The following EIF2B3 variants were observed in gnomAD, a reference collection of about 807,000 sequenced individuals.
EIF2B3 encodes eukaryotic translation initiation factor 2B subunit gamma.
EIF2B3 carries 20 observed loss-of-function variants against 54.1 expected under a neutral mutation model. The observed-to-expected ratio is 0.37, with a 90% confidence interval of 0.26 to 0.54. The LOEUF is 0.54. Ranked by LOEUF, EIF2B3 falls within the 20% of genes least tolerant of loss-of-function variation. The probability of loss-of-function intolerance (pLI) is 0.86; values close to 1 mark genes in which losing one functional copy is unlikely to be tolerated. For synonymous variants in EIF2B3, 153 were observed against 188.1 expected, an observed-to-expected ratio of 0.81 and a Z score of 1.52; for missense variants, 448 against 547.8, an observed-to-expected ratio of 0.82 and a Z score of 1.82.
intron 10 of EIF2B3, among the ~76,000 whole-genome samples, chr1:44,863,447 C>T (rs569468690): frequency 6.6e-6 from 1 of 152,256 alleles, no homozygotes; most frequent in South Asian, 2.1e-4. Flanking sequence ...GTTGCCCAGG[C>T]TGGTCTCAAA....
In EIF2B3 at chr1:44,981,676, C is replaced by CT. The variant is rs111824850; in HGVS notation, c.-9-500dup. Among the ~76,000 whole-genome samples, 394 of 152,254 alleles carry CT rather than the reference C, an allele frequency of 2.6e-3. 2 individuals are homozygous for CT. Among genetic ancestry groups the CT allele is most frequent in the African/African-American group, 9.0e-3 (375 of 41,564 alleles). On this transcript the variant is annotated intron_variant, in intron 1 of 11. Coordinates refer to ENST00000360403, the MANE Select transcript of EIF2B3 (RefSeq NM_020365.5). ...TTAGGCTGGGTGAGGTGGCTCACATCTGTAATCCCAGCACTTTGGGAGGCT... is the reference window on the plus strand; with the variant it reads ...TTAGGCTGGGTGAGGTGGCTCACATCTTGTAATCCCAGCACTTTGGGAGGCT...
In EIF2B3 at chr1:44,852,793, A is replaced by C. The variant is rs193119544; in HGVS notation, c.1307-1790T>G. On this transcript the variant is annotated intron_variant, in intron 11 of 11. Coordinates refer to ENST00000360403, the MANE Select transcript of EIF2B3 (RefSeq NM_020365.5). Reference sequence around the variant, plus strand: ...AAACTCTGTCTCAAAAAAAAAAAAAAAAACAAACCAAGAACATTGAGAGGA... The same window carrying C: ...AAACTCTGTCTCAAAAAAAAAAAAACAAACAAACCAAGAACATTGAGAGGA... Among the ~76,000 whole-genome samples the C allele has an allele frequency of 4.1e-3, 630 of 152,014 alleles. 8 individuals carry two copies. Among genetic ancestry groups the C allele is most frequent in the African/African-American group, 0.014 (569 of 41,470 alleles).
At chr1:44,921,757 T>TA (rs1214227818) in intron 5 of EIF2B3, among the ~76,000 whole-genome samples, 1 of 152,140 alleles carries the variant, frequency 6.6e-6, no homozygotes, top group African/African-American at 2.4e-5. Context: ...TGTCTGTTTT[T>TA]ATGTCAGTAC....
chr1:44,979,186 T>C (rs1021460533), intron 2 of EIF2B3, among the ~76,000 whole-genome samples: 1 of 149,668 alleles, frequency 6.7e-6, no homozygotes, highest in Non-Finnish European at 1.5e-5. Flanking sequence ...GAGGTGGAGG[T>C]TGCAGTGGGC....
At chr1:44,931,712 T>C (rs1643898231) in intron 4 of EIF2B3, among the ~76,000 whole-genome samples, 1 of 152,224 alleles carries the variant, frequency 6.6e-6, no homozygotes, top group African/African-American at 2.4e-5. Context: ...CATATACCAC[T>C]TGATAGATGC....
intron 5 of EIF2B3, among the ~76,000 whole-genome samples, chr1:44,909,852 T>G (rs953440567): frequency 7.2e-5 from 11 of 152,110 alleles, no homozygotes; most frequent in African/African-American, 2.7e-4. Flanking sequence ...ATTTCAAGAC[T>G]CCCACACCAT....
chr1:44,912,330 C>A (rs1193618831), intron 5 of EIF2B3, among the ~76,000 whole-genome samples: 1 of 152,174 alleles, frequency 6.6e-6, no homozygotes, highest in East Asian at 1.9e-4. Flanking sequence ...TTGAATTTAG[C>A]AATCCAACAC....
chr1:44,909,560 G>C (rs939934400), intron 5 of EIF2B3, among the ~76,000 whole-genome samples: 1 of 152,128 alleles, frequency 6.6e-6, no homozygotes. Context: ...CAGGAGATTG[G>C]AAGATTTTTC....
chr1:44,942,157 TCAGGTATGTA>T (rs1644030890), intron 3 of EIF2B3, among the ~76,000 whole-genome samples: 1 of 151,270 alleles, frequency 6.6e-6, no homozygotes, highest in Non-Finnish European at 1.5e-5. Context: ...CAATGTAACC[TCAGGTATGTA>T]CAAGGCACCC....
At chr1:44,858,900 G>A (rs1329405809) in intron 10 of EIF2B3, among the ~76,000 whole-genome samples, 3 of 152,152 alleles carry the variant, frequency 2.0e-5, no homozygotes, top group African/African-American at 7.2e-5. Context: ...GGCTAAAAAG[G>A]ATTTTTTAAA....
chr1:44,875,567 CG>C (rs1557665304), intron 9 of EIF2B3, 50 bp downstream of exon 9: 12 of 1,569,886 alleles, frequency 7.6e-6, no homozygotes, highest in Non-Finnish European at 1.1e-5. Flanking sequence ...AAACAAGTCT[CG>C]ATGCTCCCAA....
chr1:44,875,816 G>T (rs1009644550), intron 8 of EIF2B3, 121 bp from the exon 9 acceptor site: 1 of 811,510 alleles, frequency 1.2e-6, no homozygotes, highest in Middle Eastern at 2.4e-4. Flanking sequence ...CTCTTTCCAC[G>T]GTCTCCCTCT....
intron 10 of EIF2B3, among the ~76,000 whole-genome samples, chr1:44,870,849 C>T (rs1056056178): frequency 3.3e-5 from 5 of 151,972 alleles, no homozygotes; most frequent in East Asian, 1.9e-4. Flanking sequence ...GATGGGGTTT[C>T]GCCATGTTGC....
Position 44,879,944 on chromosome 1 carries a change from A to T in EIF2B3, c.849T>A (p.Asn283Lys), listed in dbSNP as rs373822484. Residue 283 changes from asparagine to lysine, a missense_variant, in exon 8 of 12, where the codon AAT (asparagine) becomes AAA (lysine). By Grantham distance (94) the Asn-to-Lys change is moderately conservative. This residue lies in a region of EIF2B3 where 350 missense variants were observed against 414.2 expected (regional missense o/e 0.85). Coordinates refer to ENST00000360403, the MANE Select transcript of EIF2B3 (RefSeq NM_020365.5). Reference sequence around the variant, plus strand: ...CTTCCCACCTGTCTCCTCGACAGGCATTCCAGCAGGCATCATAGGGAGCCA... The same window carrying T: ...CTTCCCACCTGTCTCCTCGACAGGCTTTCCAGCAGGCATCATAGGGAGCCA... ...LNLAPYDACW[N>K]ACRGDRWEDL... is the part of the protein sequence containing the mutation. 1.9e-6 allele frequency: 3 copies of T among 1,614,204 alleles called. No homozygotes were observed. Among genetic ancestry groups the T allele is most frequent in the Middle Eastern group, 3.3e-4 (2 of 6,062 alleles).
chr1:44,861,277 A>C (rs983905295), intron 10 of EIF2B3, among the ~76,000 whole-genome samples: 4 of 152,192 alleles, frequency 2.6e-5, no homozygotes, highest in African/African-American at 9.6e-5. Context: ...GTAATAGGGA[A>C]GTATAGAAAG....
chr1:44,850,715 C>G lies in EIF2B3; in HGVS notation c.*236G>C. 1.8e-6 allele frequency: 1 copy of G among 562,978 alleles called. No homozygotes were observed. The highest frequency in any genetic ancestry group is 3.0e-5 in the East Asian group (1 of 33,876). The allele number at this position is 562,978 out of a possible 1,614,324, so 34.9% of individuals were successfully genotyped here. A position where few individuals can be genotyped will look rare whatever the true frequency, so the allele number is the denominator to read the frequency against. ...ATCTTGGCACACAAGAGTTAGGCCACTGTATCTGTCCTGTCCCACACACTT... is the reference window on the plus strand; with the variant it reads ...ATCTTGGCACACAAGAGTTAGGCCAGTGTATCTGTCCTGTCCCACACACTT... On this transcript the variant is annotated 3_prime_UTR_variant, in exon 12 of 12. Coordinates refer to ENST00000360403, the MANE Select transcript of EIF2B3 (RefSeq NM_020365.5).
Position 44,937,883 on chromosome 1 carries a change from C to CAAAA in EIF2B3, c.454+3619_454+3622dup, listed in dbSNP as rs34363661. ...TGGGCGACAGAGCGAGACTCCGTCT[C>CAAAA]AAAAAAAAAAAAAAAAAAAAAAAAA... On this transcript the variant is annotated intron_variant, in intron 4 of 11. Coordinates refer to ENST00000360403, the MANE Select transcript of EIF2B3 (RefSeq NM_020365.5). Among the ~76,000 whole-genome samples, 7 of 33,558 alleles carry CAAAA rather than the reference C, an allele frequency of 2.1e-4. 1 individual carries two copies. Among genetic ancestry groups the CAAAA allele is most frequent in the African/African-American group, 3.1e-4 (3 of 9,716 alleles). The allele number at this position is 33,558 out of a possible 152,430, so 22.0% of individuals were successfully genotyped here.
intron 5 of EIF2B3, among the ~76,000 whole-genome samples, chr1:44,915,024 C>T (rs61789958): frequency 0.16 from 23,559 of 148,050 alleles, 2,331 homozygotes; most frequent in East Asian, 0.55. Flanking sequence ...TTTGGTCAGG[C>T]GTGGTGGCTC....
At chr1:44,932,076 C>A (rs1643901234) in intron 4 of EIF2B3, among the ~76,000 whole-genome samples, 1 of 152,024 alleles carries the variant, frequency 6.6e-6, no homozygotes, top group South Asian at 2.1e-4. Flanking sequence ...TGTGCCACTG[C>A]CTTCTAGCCT....
Sources: gnomAD v4.1 joint callset for allele counts (sites outside exome capture counted in the v4.1 genomes callset) on GRCh38, gnomAD v4.1.1 for gene constraint, gnomAD v4.1.1 regional missense constraint, MANE v1.5 for transcripts, NCBI Gene and HGNC (gene_info 2026-07-23, HGNC 2026-07-21) for gene names.